The following ALK variants were observed in gnomAD, a reference collection of about 807,000 sequenced individuals.
ALK encodes the protein ALK receptor tyrosine kinase.
A neutral mutation model predicts 163.1 loss-of-function variants in ALK; 74 were observed. That is an observed-to-expected ratio of 0.45 (90% CI 0.38 to 0.55). ALK has a LOEUF of 0.55. Among genes scored for constraint, ALK ranks in the 20% least tolerant of loss-of-function variants. The pLI, the probability that ALK is intolerant of heterozygous loss-of-function variation, is 0.00. For synonymous variants in ALK, 960 were observed against 843.2 expected (o/e 1.14, Z -2.40); for missense variants, 2,063 against 2,105.3 (o/e 0.98, Z 0.39).
chr2:29,553,328 A>G (rs1224715983), intron 3 of ALK, among the ~76,000 whole-genome samples: 1 of 152,190 alleles, frequency 6.6e-6, no homozygotes, highest in Non-Finnish European at 1.5e-5. Flanking sequence ...CCCTCACCAG[A>G]CACTAACGGT....
intron 1 of ALK, among the ~76,000 whole-genome samples, chr2:29,867,375 C>T (rs1016783979): frequency 2.6e-5 from 4 of 152,184 alleles, no homozygotes; most frequent in Non-Finnish European, 5.9e-5. Flanking sequence ...GTCATTTGCT[C>T]AGTATGTTGC....
intron 4 of ALK, among the ~76,000 whole-genome samples, chr2:29,494,137 G>C (rs965019143): frequency 2.0e-5 from 3 of 152,198 alleles, no homozygotes; most frequent in Non-Finnish European, 4.4e-5. Context: ...CAATGTGATG[G>C]GTGGCTTAGA....
intron 1 of ALK, among the ~76,000 whole-genome samples, chr2:29,797,387 T>A (rs916796186): frequency 1.3e-5 from 2 of 152,208 alleles, no homozygotes; most frequent in African/African-American, 2.4e-5. Flanking sequence ...CCTTGAAGCA[T>A]CCTCTAATCT....
chr2:29,411,162 A>G (rs1256834242), intron 4 of ALK, among the ~76,000 whole-genome samples: 1 of 152,186 alleles, frequency 6.6e-6, no homozygotes, highest in Non-Finnish European at 1.5e-5. Context: ...AGGCCTACAC[A>G]TGGTCAGGAT....
intron 1 of ALK, among the ~76,000 whole-genome samples, chr2:29,726,110 C>T (rs1269870041): frequency 6.6e-6 from 1 of 152,118 alleles, no homozygotes; most frequent in Non-Finnish European, 1.5e-5. Flanking sequence ...TTTACTAATC[C>T]AAGACAGCAA....
At chr2:29,544,540 C>T (rs1354087845) in intron 3 of ALK, among the ~76,000 whole-genome samples, 1 of 152,030 alleles carries the variant, frequency 6.6e-6, no homozygotes. Context: ...GCTGCAAAGA[C>T]CGTTTGCAGA....
At chr2:29,575,421 C>T (rs977850755) in intron 3 of ALK, among the ~76,000 whole-genome samples, 3 of 152,134 alleles carry the variant, frequency 2.0e-5, no homozygotes, top group Admixed American at 6.5e-5. Flanking sequence ...TGATAGGCTT[C>T]CTACCCCCAC....
At chr2:29,755,239 C>T (rs943615725) in intron 1 of ALK, among the ~76,000 whole-genome samples, 1 of 152,228 alleles carries the variant, frequency 6.6e-6, no homozygotes, top group Non-Finnish European at 1.5e-5. Flanking sequence ...CAACCCTGCA[C>T]TCAAAGGGAC....
chr2:29,377,120 T>C (rs1162712513), intron 5 of ALK, among the ~76,000 whole-genome samples: 1 of 152,204 alleles, frequency 6.6e-6, no homozygotes, highest in East Asian at 1.9e-4. Flanking sequence ...AATATACCTA[T>C]TTTTGGTTTT....
rs373501673 is a variant in ALK at position 29,488,755 on chromosome 2, G to A, written c.1154+43160C>T. 4.9e-4 allele frequency among the ~76,000 whole-genome samples: 75 copies of A among 152,304 alleles called. No homozygotes were observed. The East Asian group carries it at 9.8e-3, about 20-fold the overall frequency. On this transcript the variant is annotated intron_variant, in intron 4 of 28. Coordinates refer to ENST00000389048, the MANE Select transcript of ALK (RefSeq NM_004304.5). ...AAAGGGAGATGAGGGGATGGGAAGT[G>A]GGAATACCAGGTAGGCTTAGCAGAA...
At chr2:29,876,160 C>T (rs1666699226) in intron 1 of ALK, among the ~76,000 whole-genome samples, 1 of 152,196 alleles carries the variant, frequency 6.6e-6, no homozygotes, top group South Asian at 2.1e-4. Flanking sequence ...TTTTCTCATA[C>T]ATAAAATGGG....
chr2:29,838,608 G>T (rs1034554813), intron 1 of ALK, among the ~76,000 whole-genome samples: 1 of 152,118 alleles, frequency 6.6e-6, no homozygotes, highest in African/African-American at 2.4e-5. Context: ...ACCACTGATC[G>T]AGTCAACAAT....
intron 4 of ALK, among the ~76,000 whole-genome samples, chr2:29,478,529 C>CCTTCTTTCCATGACTCCT (rs1671583344): frequency 6.6e-6 from 1 of 152,036 alleles, no homozygotes. Context: ...CCATGACTCC[C>CCTTCTTTCCATGACTCCT]TTACCCTGTA....
intron 3 of ALK, among the ~76,000 whole-genome samples, chr2:29,540,857 C>T (rs1007304220): frequency 4.6e-5 from 7 of 152,088 alleles, no homozygotes; most frequent in Non-Finnish European, 1.5e-5. Context: ...AAAATTACCA[C>T]AGCAAATTAT....
chr2:29,531,689 G>T (rs1673123227), intron 4 of ALK, among the ~76,000 whole-genome samples: 1 of 152,136 alleles, frequency 6.6e-6, no homozygotes. Context: ...TCTGGCAGCT[G>T]GTCCTCTGGC....
At chr2:29,600,148 C>T (rs1460683612) in intron 3 of ALK, among the ~76,000 whole-genome samples, 2 of 152,124 alleles carry the variant, frequency 1.3e-5, no homozygotes, top group South Asian at 2.1e-4. Flanking sequence ...GGGCTAAGAC[C>T]CCCCAAGACT....
chr2:29,233,990 G>A lies in ALK; in HGVS notation c.2356-294C>T, dbSNP rs146645683. Among the ~76,000 whole-genome samples the A allele has an allele frequency of 5.6e-3, 840 of 151,174 alleles. 5 individuals are homozygous for A. Among genetic ancestry groups the A allele is most frequent in the African/African-American group, 0.018 (764 of 41,406 alleles). ...CTTTTAGTTGAGCCTTGAAGGATAGGGAGTTTTTTTTTGTTTGTTTTTGTT... is the reference window on the plus strand; with the variant it reads ...CTTTTAGTTGAGCCTTGAAGGATAGAGAGTTTTTTTTTGTTTGTTTTTGTT... On this transcript the variant is annotated intron_variant, in intron 13 of 28. Coordinates refer to ENST00000389048, the MANE Select transcript of ALK (RefSeq NM_004304.5).
chr2:29,214,265 G>T (rs1345139220), intron 23 of ALK, among the ~76,000 whole-genome samples, 184 bp from the exon 24 acceptor site: 1 of 152,154 alleles, frequency 6.6e-6, no homozygotes, highest in Non-Finnish European at 1.5e-5. Context: ...GGATGCCTGG[G>T]CCCCAACCCA....
At chr2:29,535,213 A>G (rs1673221425) in intron 3 of ALK, among the ~76,000 whole-genome samples, 1 of 152,244 alleles carries the variant, frequency 6.6e-6, no homozygotes, top group African/African-American at 2.4e-5. Context: ...CAGTGTGGCC[A>G]TGGGGGTGTG....
Sources: gnomAD v4.1 joint callset for allele counts (sites outside exome capture counted in the v4.1 genomes callset) on GRCh38, gnomAD v4.1.1 for gene constraint, MANE v1.5 for transcripts, NCBI Gene and HGNC (gene_info 2026-07-23, HGNC 2026-07-21) for gene names.